The following PDCD5 variants were observed in gnomAD, a reference collection of about 807,000 sequenced individuals.
PDCD5 encodes the protein programmed cell death 5.
PDCD5 carries 23 observed loss-of-function variants against 21.9 expected under a neutral mutation model. The observed-to-expected ratio is 1.05, with a 90% CI of 0.76 to 1.49. PDCD5 has a LOEUF of 1.49. Ranked by LOEUF, PDCD5 falls within the 40% of genes most tolerant of loss-of-function variation. PDCD5 has a pLI of 0.00. For synonymous variants in PDCD5, 45 were observed against 49.4 expected (o/e 0.91, Z 0.37); for missense variants, 152 against 147.7 (o/e 1.03, Z -0.15).
chr19:32,585,795 A>G (rs374617435), intron 3 of PDCD5, 21 bp from the exon 4 acceptor site: 243 of 1,353,254 alleles, frequency 1.8e-4, no homozygotes, highest in Non-Finnish European at 2.4e-4. Context: ...GATTTTTTGC[A>G]TATGTATTTT....
rs1163978392 is a variant in PDCD5, at chr19:32,583,741, CACTTGAGCACAGGA to C, written c.105-1208_105-1195del. On this transcript the variant is annotated intron_variant, in intron 2 of 5. Coordinates refer to ENST00000590247, the MANE Select transcript of PDCD5 (RefSeq NM_004708.4). ...ACTCAGGAGGCCGAGGGGGAAGAAT[CACTTGAGCACAGGA>C]GCTTGAGCTGATCATAGCTGCAGTG... Among the ~76,000 whole-genome samples the C allele has an allele frequency of 4.6e-5, 7 of 152,158 alleles. No homozygotes were observed. In the South Asian group the frequency reaches 1.0e-3, roughly 23 times the overall value.
At chr19:32,587,155 C>T (rs569579099) in intron 5 of PDCD5, 98 bp from the exon 6 acceptor site, 8 of 1,041,334 alleles carry the variant, frequency 7.7e-6, no homozygotes, top group Non-Finnish European at 1.2e-5. Flanking sequence ...GCTTTAAAGA[C>T]ACAAATGTCT....
At chr19:32,584,781 G>C in intron 2 of PDCD5, 169 bp from the exon 3 acceptor site, 1 of 626,758 alleles carries the variant, frequency 1.6e-6, no homozygotes, top group Non-Finnish European at 2.9e-6. Context: ...GGCAAAAGGG[G>C]ATTCTACTTG....
Position 32,585,844 on chromosome 19 carries a change from A to G in PDCD5, c.195A>G (p.Glu65=). The G allele has an allele frequency of 6.2e-7, 1 of 1,609,404 alleles. No individual in the cohort carries two copies. The highest frequency in any genetic ancestry group is 8.5e-7 in the Non-Finnish European group (1 of 1,175,772). The part of the protein sequence containing the change: ...RLSNLALVKP[E]KTKAVENYLI... ...GTAACTTAGCACTTGTAAAGCCTGA[A>G]AAAACTAAAGCAGTAGAGAATTACC... The change falls in exon 4 of 6, where the codon GAA becomes GAG. Residue 65 remains glutamate (E), a synonymous_variant. Transcript: ENST00000590247.
At position 32,584,997 on chromosome 19, in the gene PDCD5, C is replaced by A. The variant is rs142226357; in HGVS notation, c.152C>A (p.Ser51Ter). The change falls in exon 3 of 6, where the codon TCG becomes TAG. Residue 51 changes from serine (S) to a stop codon, truncating the protein, a stop_gained. Coordinates refer to ENST00000590247, the MANE Select transcript of PDCD5 (RefSeq NM_004708.4). LOFTEE classifies it high-confidence loss of function. Reference sequence around the variant, plus strand: ...ATCTTAGCCCAAGTTCTGGATCAGTCGGCCCGGGCCAGGTGTAAGCATCTT... The same window carrying A: ...ATCTTAGCCCAAGTTCTGGATCAGTAGGCCCGGGCCAGGTGTAAGCATCTT... The part of the protein sequence containing the change: ...NSILAQVLDQ[S>*]ARARLSNLAL... 3 of 1,613,672 alleles carry A rather than the reference C, an allele frequency of 1.9e-6. No homozygotes were observed. The highest frequency in any genetic ancestry group is 2.5e-6 in the Non-Finnish European group (3 of 1,179,602).
rs574133886 is a variant in PDCD5 at position 32,583,780 on chromosome 19, G to A, written c.105-1170G>A. Among the ~76,000 whole-genome samples, 5 of 152,180 alleles carry A rather than the reference G, an allele frequency of 3.3e-5. No individual in the cohort carries two copies. The East Asian group carries it at 9.7e-4, about 29-fold the overall frequency. On this transcript the variant is annotated intron_variant, in intron 2 of 5. Transcript: ENST00000590247. ...AGCTTGAGCTGATCATAGCTGCAGT[G>A]AGCTGTGATTGCACCACTGTACTCC... is the stretch of plus-strand genomic sequence containing the variant.
chr19:32,586,024 T>C, intron 4 of PDCD5, 117 bp downstream of exon 4: 2 of 1,600,076 alleles, frequency 1.2e-6, no homozygotes, highest in Admixed American at 1.8e-5. Flanking sequence ...TCAGAAGAAA[T>C]TGTTGGAGAG....
chr19:32,582,227 G>C lies in PDCD5; in HGVS notation c.99G>C (p.Lys33Asn). The C allele has an allele frequency of 6.2e-7, 1 of 1,612,626 alleles. No homozygotes were observed. The highest frequency in any genetic ancestry group is 8.5e-7 in the Non-Finnish European group (1 of 1,178,820). ...GTGATGCGGCCCAACAGGAAGCAAA[G>C]CACAGGTATGGGCTGGAAACGTGAA... Reference protein sequence around the residue: ...DPGDAAQQEAKHREAEMRNSI... With the variant: ...DPGDAAQQEANHREAEMRNSI... The change falls in exon 2 of 6, where the codon AAG becomes AAC. Residue 33 changes from lysine (K) to asparagine (N), a missense_variant. By Grantham distance (94) the Lys-to-Asn change is moderately conservative (BLOSUM62 0). Transcript: ENST00000590247.
chr19:32,586,303 G>A, intron 4 of PDCD5: 1 of 1,357,142 alleles, frequency 7.4e-7, no homozygotes, highest in Middle Eastern at 2.8e-4. Flanking sequence ...AATACCATGA[G>A]GGGTATGTTG....
At chr19:32,585,234 G>C (rs184178918) in intron 3 of PDCD5, among the ~76,000 whole-genome samples, 4 of 152,254 alleles carry the variant, frequency 2.6e-5, no homozygotes, top group African/African-American at 9.6e-5. Flanking sequence ...TGTGTATTAG[G>C]TAAGATTTAT....
At chr19:32,582,100 A>T (rs1895937839) in intron 1 of PDCD5, 95 bp from the exon 2 acceptor site, 1 of 827,264 alleles carries the variant, frequency 1.2e-6, no homozygotes, top group African/African-American at 1.7e-5. Flanking sequence ...CTACCACCGC[A>T]AGAGACTGTT....
intron 4 of PDCD5, chr19:32,586,173 C>T: frequency 6.9e-7 from 1 of 1,454,368 alleles, no homozygotes; most frequent in Non-Finnish European, 9.0e-7. Context: ...TCAATTGCCC[C>T]TGCACTGGAA....
intron 2 of PDCD5, 67 bp from the exon 3 acceptor site, chr19:32,584,883 C>T (rs919677079): frequency 1.5e-6 from 2 of 1,308,040 alleles, no homozygotes; most frequent in Non-Finnish European, 2.2e-6. Context: ...TGGGTTCTTT[C>T]TCGTATGTTA....
At position 32,585,887 on chromosome 19, in the gene PDCD5, T is replaced by A; in HGVS notation, c.238T>A (p.Tyr80Asn). 1.9e-6 allele frequency: 3 copies of A among 1,611,562 alleles called. No individual in the cohort carries two copies. The highest frequency in any genetic ancestry group is 2.5e-6 in the Non-Finnish European group (3 of 1,177,658). Residue 80 changes from tyrosine to asparagine, a missense_variant, in exon 4 of 6, where the codon TAT becomes AAT. Transcript: ENST00000590247. ...GAATTACCTTATACAGATGGCAAGA[T>A]ATGGACAACTAAGTGAGAAGGTAAG... ...VENYLIQMAR[Y>N]GQLSEKVSEQ...
At chr19:32,586,316 G>A (rs1266761171) in intron 4 of PDCD5, 29 of 1,327,164 alleles carry the variant, frequency 2.2e-5, no homozygotes, top group Non-Finnish European at 2.7e-5. Flanking sequence ...GTATGTTGTG[G>A]CAAACCTGGC....
At chr19:32,584,560 C>A (rs1162301078) in intron 2 of PDCD5, among the ~76,000 whole-genome samples, 1 of 152,160 alleles carries the variant, frequency 6.6e-6, no homozygotes. Flanking sequence ...TGGATCTCAG[C>A]TTTATCTCTA....
At position 32,587,426 on chromosome 19, in the gene PDCD5, C is replaced by T. The variant is rs1599724040; in HGVS notation, c.*126C>T. On this transcript the variant is annotated 3_prime_UTR_variant, in exon 6 of 6. Transcript: ENST00000590247. ...AATAAACTTGTTATGCAAAATAAAA[C>T]ATTTGGGTAAGTTGTTTTAGTATCA... 5 of 600,464 alleles carry T rather than the reference C, an allele frequency of 8.3e-6. No homozygotes were observed. Among genetic ancestry groups the T allele is most frequent in the Non-Finnish European group, 1.4e-5 (5 of 359,792 alleles). The allele number at this position is 600,464 out of a possible 1,614,324, so 37.2% of individuals were successfully genotyped here.
chr19:32,584,625 T>C (rs1599722479), intron 2 of PDCD5, among the ~76,000 whole-genome samples: 2 of 152,212 alleles, frequency 1.3e-5, no homozygotes, highest in East Asian at 1.9e-4. Flanking sequence ...AATCCCACTA[T>C]AAATTTCTAG....
At position 32,582,177 on chromosome 19, in the gene PDCD5, TAA is replaced by T; in HGVS notation, c.67-17_67-16del. The T allele has an allele frequency of 1.2e-6, 2 of 1,602,320 alleles. No individual in the cohort carries two copies. The highest frequency in any genetic ancestry group is 1.7e-6 in the Non-Finnish European group (2 of 1,170,948). ...TCCCGTGAAATTTCTCTATTAAATT[TAA>T]GTTTTTTTTTTCCAGGATCCTGGTG... On this transcript the variant is annotated splice_polypyrimidine_tract_variant and intron_variant, in intron 1 of 5. Coordinates refer to ENST00000590247, the MANE Select transcript of PDCD5 (RefSeq NM_004708.4).
Sources: gnomAD v4.1 joint callset for allele counts (sites outside exome capture counted in the v4.1 genomes callset) on GRCh38, gnomAD v4.1.1 for gene constraint, MANE v1.5 for transcripts, NCBI Gene and HGNC (gene_info 2026-07-23, HGNC 2026-07-21) for gene names.